The following FHIT variants were observed in gnomAD, a reference collection of about 807,000 sequenced individuals.
The protein encoded by FHIT is bis(5'-adenosyl)-triphosphatase.
FHIT carries 19 observed loss-of-function variants against 17.9 expected under a neutral mutation model. The ratio of observed to expected loss-of-function variants is 1.06; its 90% confidence interval spans 0.74 to 1.56. FHIT has a LOEUF of 1.56. Ranked by LOEUF, FHIT falls within the 40% of genes most tolerant of loss-of-function variation. The pLI is 0.00. For synonymous variants in FHIT, 81 were observed against 69.7 expected (o/e 1.16, Z -0.81); for missense variants, 248 against 189.2 (o/e 1.31, Z -1.82).
intron 8 of FHIT, among the ~76,000 whole-genome samples, chr3:59,894,645 G>A (rs368256068): frequency 3.3e-5 from 5 of 152,226 alleles, no homozygotes; most frequent in African/African-American, 1.2e-4. Context: ...GATGTGTTGC[G>A]ATGGTGGTTC....
At chr3:59,967,253 T>A (rs1324092491) in intron 7 of FHIT, among the ~76,000 whole-genome samples, 1 of 152,126 alleles carries the variant, frequency 6.6e-6, no homozygotes. Context: ...GTTATCTTTT[T>A]AAAAAAATAA....
At chr3:60,126,044 G>A (rs949341036) in intron 5 of FHIT, among the ~76,000 whole-genome samples, 5 of 152,068 alleles carry the variant, frequency 3.3e-5, no homozygotes, top group Non-Finnish European at 7.4e-5. Flanking sequence ...GGCTTCTCCT[G>A]CAAGTTGGCC....
chr3:60,058,734 C>T (rs771540927), intron 5 of FHIT, among the ~76,000 whole-genome samples: 1 of 152,104 alleles, frequency 6.6e-6, no homozygotes, highest in Admixed American at 6.5e-5. Flanking sequence ...TGACAGCTAG[C>T]AACACTGTGT....
chr3:60,189,210 C>G (rs1435158647), intron 5 of FHIT, among the ~76,000 whole-genome samples: 1 of 151,394 alleles, frequency 6.6e-6, no homozygotes, highest in Non-Finnish European at 1.5e-5. Context: ...AAAAAAAAAT[C>G]TGACAGGTGT....
chr3:60,001,751 A>G (rs928787210), intron 7 of FHIT, among the ~76,000 whole-genome samples: 2 of 152,156 alleles, frequency 1.3e-5, no homozygotes, highest in African/African-American at 4.8e-5. Flanking sequence ...AGTGAGATTC[A>G]TCGATGGTCA....
chr3:59,954,550 A>T (rs1707299234), intron 7 of FHIT, among the ~76,000 whole-genome samples: 1 of 152,166 alleles, frequency 6.6e-6, no homozygotes, highest in African/African-American at 2.4e-5. Context: ...AAAATCTGCA[A>T]TTCGAAACTC....
At chr3:60,058,979 A>G (rs1702195693) in intron 5 of FHIT, among the ~76,000 whole-genome samples, 1 of 152,152 alleles carries the variant, frequency 6.6e-6, no homozygotes, top group Admixed American at 6.5e-5. Context: ...AAAACATAGG[A>G]ACCGAGTGAG....
At chr3:60,015,331 A>C (rs1700302452) in intron 5 of FHIT, among the ~76,000 whole-genome samples, 1 of 152,176 alleles carries the variant, frequency 6.6e-6, no homozygotes, top group Non-Finnish European at 1.5e-5. Context: ...TTTTGCTCAT[A>C]ATCAGGAAAT....
intron 4 of FHIT, among the ~76,000 whole-genome samples, chr3:60,658,741 T>C (rs2040172951): frequency 6.6e-6 from 1 of 152,070 alleles, no homozygotes; most frequent in Admixed American, 6.6e-5. Flanking sequence ...AGACTAATAA[T>C]TTAAAAAAAT....
chr3:60,142,982 G>A (rs1700101236), intron 5 of FHIT, among the ~76,000 whole-genome samples: 1 of 152,178 alleles, frequency 6.6e-6, no homozygotes, highest in South Asian at 2.1e-4. Context: ...GAATCACTTA[G>A]ATATGGCTGC....
At chr3:60,507,267 T>G (rs1268619573) in intron 5 of FHIT, among the ~76,000 whole-genome samples, 1 of 151,762 alleles carries the variant, frequency 6.6e-6, no homozygotes. Flanking sequence ...AGAAACAACA[T>G]GCAAAGGCCT....
intron 7 of FHIT, among the ~76,000 whole-genome samples, chr3:59,982,728 C>T (rs1708708065): frequency 6.6e-6 from 1 of 152,138 alleles, no homozygotes; most frequent in Non-Finnish European, 1.5e-5. Flanking sequence ...GGTCATCAAA[C>T]AGCATCATGT....
At chr3:61,059,904 G>A (rs1166640819) in intron 2 of FHIT, among the ~76,000 whole-genome samples, 1 of 152,086 alleles carries the variant, frequency 6.6e-6, no homozygotes. Context: ...GTTTTCTCTG[G>A]GCAGTCAAGT....
intron 4 of FHIT, chr3:60,730,071 A>C (rs1280923045): frequency 2.6e-5 from 13 of 505,392 alleles, no homozygotes; most frequent in African/African-American, 6.0e-5. Flanking sequence ...TCTGGACTTC[A>C]AAAAATCTCT....
intron 3 of FHIT, among the ~76,000 whole-genome samples, chr3:60,858,338 A>G (rs1287382636): frequency 6.6e-6 from 1 of 152,152 alleles, no homozygotes; most frequent in Non-Finnish European, 1.5e-5. Flanking sequence ...CAAAATAGAG[A>G]ACTCACTGAG....
intron 8 of FHIT, among the ~76,000 whole-genome samples, chr3:59,757,698 G>A (rs148658084): frequency 6.6e-6 from 1 of 152,092 alleles, no homozygotes; most frequent in Non-Finnish European, 1.5e-5. Context: ...TATAAACTTG[G>A]ATGTTTTTAT....
intron 5 of FHIT, among the ~76,000 whole-genome samples, chr3:60,385,471 ATAAT>A (rs1430691709): frequency 2.0e-5 from 3 of 152,370 alleles, no homozygotes; most frequent in Admixed American, 6.5e-5. Flanking sequence ...GCTGAATAAA[ATAAT>A]TAAGAAAAAG....
chr3:60,512,403 T>G (rs1322605428), intron 5 of FHIT, among the ~76,000 whole-genome samples: 1 of 152,228 alleles, frequency 6.6e-6, no homozygotes, highest in Non-Finnish European at 1.5e-5. Flanking sequence ...TTTCCACATA[T>G]GTCAGCTTAC....
chr3:60,265,381 G>A (rs1195965688), intron 5 of FHIT, among the ~76,000 whole-genome samples: 1 of 151,992 alleles, frequency 6.6e-6, no homozygotes, highest in Non-Finnish European at 1.5e-5. Flanking sequence ...ACACAAAAGA[G>A]TGGAAGGCTC....
Sources: gnomAD v4.1 joint callset for allele counts (sites outside exome capture counted in the v4.1 genomes callset) on GRCh38, gnomAD v4.1.1 for gene constraint, MANE v1.5 for transcripts, NCBI Gene and HGNC (gene_info 2026-07-23, HGNC 2026-07-21) for gene names.